The following WDR47 variants were observed in gnomAD, a reference collection of about 807,000 sequenced individuals.
WDR47 encodes WD repeat domain 47, also known as WD repeat-containing protein 47.
WDR47 carries 32 observed loss-of-function variants against 97.2 expected under a neutral mutation model. The ratio of observed to expected loss-of-function variants is 0.33; its 90% CI spans 0.25 to 0.44. The LOEUF is 0.44. WDR47 is among the 20% of genes least tolerant of loss of function. The pLI, the probability that WDR47 is intolerant of heterozygous loss-of-function variation, is 1.00. For missense variants in WDR47, 782 were observed against 1,102.3 expected (o/e 0.71, Z 4.11); for synonymous variants, 375 against 373.5 (o/e 1.00, Z -0.05).
At chr1:109,000,508 C>CAAAA (rs71069634) in intron 7 of WDR47, among the ~76,000 whole-genome samples, 42 of 70,456 alleles carry the variant, frequency 6.0e-4, no homozygotes, top group Non-Finnish European at 7.2e-4. Context: ...GACTCTGTCT[C>CAAAA]AAAAAAAAAA....
intron 10 of WDR47, among the ~76,000 whole-genome samples, chr1:108,984,442 T>C (rs1658604221): frequency 6.6e-6 from 1 of 152,170 alleles, no homozygotes; most frequent in South Asian, 2.1e-4. Context: ...AAAAGATGAA[T>C]GAAGCAAATG....
intron 4 of WDR47, among the ~76,000 whole-genome samples, chr1:109,012,538 A>C (rs1661110417): frequency 7.7e-6 from 1 of 129,432 alleles, no homozygotes; most frequent in East Asian, 2.5e-4. Flanking sequence ...GCACCACTGC[A>C]CTCCAGCCTG....
At chr1:109,011,751 C>A in intron 4 of WDR47, 33 bp from the exon 5 acceptor site, 3 of 1,516,676 alleles carry the variant, frequency 2.0e-6, no homozygotes, top group Non-Finnish European at 2.7e-6. Flanking sequence ...CAAATAATCA[C>A]TATAAAAAAC....
chr1:109,025,814 C>T (rs1476384440), intron 1 of WDR47, among the ~76,000 whole-genome samples: 3 of 151,970 alleles, frequency 2.0e-5, no homozygotes, highest in Non-Finnish European at 2.9e-5. Flanking sequence ...AATAATTATA[C>T]GACTCACTCA....
At chr1:109,021,412 C>T (rs892111878) in intron 2 of WDR47, among the ~76,000 whole-genome samples, 3 of 151,330 alleles carry the variant, frequency 2.0e-5, no homozygotes, top group African/African-American at 7.3e-5. Flanking sequence ...CCTGTAGTCC[C>T]AGCTACCTGG....
chr1:109,005,178 G>A (rs969503432), intron 5 of WDR47, among the ~76,000 whole-genome samples: 16 of 152,164 alleles, frequency 1.1e-4, no homozygotes, highest in Non-Finnish European at 2.1e-4. Context: ...AAGGCAGGCA[G>A]CTCGCTTGAG....
intron 5 of WDR47, among the ~76,000 whole-genome samples, chr1:109,010,165 TAAAG>T (rs1253030252): frequency 6.6e-6 from 1 of 152,300 alleles, no homozygotes. Flanking sequence ...GAATAAGATA[TAAAG>T]ATTTTTCTCA....
At chr1:108,978,955 TA>T (rs1235858244) in intron 13 of WDR47, among the ~76,000 whole-genome samples, 1 of 151,918 alleles carries the variant, frequency 6.6e-6, no homozygotes, top group Non-Finnish European at 1.5e-5. Flanking sequence ...GATATCTGAG[TA>T]AAAAAGGAAG....
At chr1:108,985,065 C>G (rs1335103566) in intron 10 of WDR47, among the ~76,000 whole-genome samples, 1 of 152,104 alleles carries the variant, frequency 6.6e-6, no homozygotes, top group African/African-American at 2.4e-5. Context: ...ATACAAACAG[C>G]TTCCTCCCTC....
At position 109,004,628 on chromosome 1, in the gene WDR47, T is replaced by C; in HGVS notation, c.1218A>G (p.Ala406=). 5.0e-6 allele frequency: 8 copies of C among 1,613,818 alleles called. No homozygotes were observed. The highest frequency in any genetic ancestry group is 5.9e-6 in the Non-Finnish European group (7 of 1,179,850). ...SVSEKEPANG[A]QNPGPAKQEK... The stretch of plus-strand genomic sequence containing the variant: ...CTTGTTTAGCTGGTCCTGGATTCTG[T>C]GCTCCATTTGCAGGCTCTTTTTCTG... The change falls in exon 6 of 15, where the codon GCA becomes GCG. Residue 406 remains alanine, a synonymous_variant. Coordinates refer to ENST00000369962, the MANE Select transcript of WDR47 (RefSeq NM_001142551.2).
rs575901232 is a variant in WDR47, at chr1:109,025,379, G to A, written c.-9-1858C>T. On this transcript the variant is annotated intron_variant, in intron 1 of 14. Transcript: ENST00000369962. ...CCCAGAAGTTGAGGCTACAGTGAGCGGTGATCATACCACTGCACTCCAGCC... is the reference window on the plus strand; with the variant it reads ...CCCAGAAGTTGAGGCTACAGTGAGCAGTGATCATACCACTGCACTCCAGCC... 1.6e-3 allele frequency among the ~76,000 whole-genome samples: 235 copies of A among 150,160 alleles called. 1 individual carries two copies. Among genetic ancestry groups the A allele is most frequent in the Non-Finnish European group, 1.7e-3 (116 of 67,794 alleles).
At chr1:109,028,865 G>A (rs757931899) in intron 1 of WDR47, among the ~76,000 whole-genome samples, 18 of 151,720 alleles carry the variant, frequency 1.2e-4, no homozygotes, top group Non-Finnish European at 2.1e-4. Flanking sequence ...ACAGTTCAAC[G>A]GTAATAAATA....
chr1:108,985,901 T>C (rs1428779741), intron 10 of WDR47, among the ~76,000 whole-genome samples: 1 of 151,556 alleles, frequency 6.6e-6, no homozygotes, highest in Admixed American at 6.6e-5. Context: ...TGGACCTTAT[T>C]ATATTCCCTT....
intron 1 of WDR47, among the ~76,000 whole-genome samples, chr1:109,024,363 G>A (rs548855612): frequency 8.5e-5 from 13 of 152,084 alleles, no homozygotes; most frequent in Non-Finnish European, 1.9e-4. Context: ...TGAGGTGGGA[G>A]GATCGCTTGA....
intron 2 of WDR47, among the ~76,000 whole-genome samples, chr1:109,020,058 G>A (rs753258507): frequency 3.8e-4 from 58 of 151,534 alleles, no homozygotes; most frequent in Non-Finnish European, 8.0e-4. Flanking sequence ...TCAGCCAAGG[G>A]CAATATAGCA....
intron 1 of WDR47, among the ~76,000 whole-genome samples, chr1:109,037,285 C>T (rs907086141): frequency 3.3e-5 from 5 of 150,406 alleles, no homozygotes; most frequent in African/African-American, 4.9e-5. Flanking sequence ...GCCGACATCA[C>T]GCCATCACAC....
intron 1 of WDR47, among the ~76,000 whole-genome samples, chr1:109,032,896 A>C (rs1198426148): frequency 1.3e-5 from 2 of 148,748 alleles, no homozygotes; most frequent in African/African-American, 4.9e-5. Flanking sequence ...CACTCTGTCC[A>C]AAAAAAAAAA....
At position 109,036,534 on chromosome 1, in the gene WDR47, C is replaced by CAA. The variant is rs34246298; in HGVS notation, c.-10+5326_-10+5327dup. ...TGGGCGACTGAGCAAGACTCCGTCT[C>CAA]AAAAAAAAAAAAAAAACATAGTCCA... On this transcript the variant is annotated intron_variant, in intron 1 of 14. Coordinates refer to ENST00000369962, the MANE Select transcript of WDR47 (RefSeq NM_001142551.2). 2.3e-3 allele frequency among the ~76,000 whole-genome samples: 278 copies of CAA among 120,866 alleles called. 3 individuals carry two copies. The highest frequency in any genetic ancestry group is 0.015 in the South Asian group (53 of 3,598). 79.3% of individuals were successfully genotyped at this position (120,866 alleles called of 152,430 possible). A position where few individuals can be genotyped will look rare whatever the true frequency, so the allele number is the denominator to read the frequency against.
At chr1:109,031,403 T>C (rs1317714491) in intron 1 of WDR47, among the ~76,000 whole-genome samples, 2 of 139,648 alleles carry the variant, frequency 1.4e-5, no homozygotes, top group Non-Finnish European at 3.2e-5. Context: ...AAAATATCTC[T>C]GGAAAAAAAT....
Sources: allele counts gnomAD v4.1 joint callset (sites outside exome capture counted in the v4.1 genomes callset), GRCh38; gene constraint gnomAD v4.1.1; transcripts MANE v1.5; gene names NCBI Gene and HGNC (gene_info 2026-07-23, HGNC 2026-07-21).